The following SEZ6L variants were observed in gnomAD, a reference collection of about 807,000 sequenced individuals.
The protein encoded by SEZ6L is seizure 6-like protein.
Under a neutral mutation model 106.2 loss-of-function variants are expected in SEZ6L, and 37 were observed. The observed-to-expected ratio is 0.35, with a 90% CI of 0.27 to 0.46. SEZ6L has a LOEUF of 0.46. Ranked by LOEUF, SEZ6L falls within the 20% of genes least tolerant of loss-of-function variation. The pLI is 1.00. For missense variants in SEZ6L, 1,172 were observed against 1,332.8 expected, an observed-to-expected ratio of 0.88 and a Z score of 1.88; for synonymous variants, 541 against 570.4, an observed-to-expected ratio of 0.95 and a Z score of 0.73.
intron 1 of SEZ6L, among the ~76,000 whole-genome samples, chr22:26,243,743 AGAG>A (rs778827599): frequency 1.8e-4 from 27 of 152,214 alleles, no homozygotes; most frequent in Non-Finnish European, 2.4e-4. Flanking sequence ...AACTAAAAGA[AGAG>A]GAGGAGGACA....
At chr22:26,324,444 TAA>T (rs765076278) in intron 9 of SEZ6L, among the ~76,000 whole-genome samples, 10 of 152,168 alleles carry the variant, frequency 6.6e-5, no homozygotes, top group Non-Finnish European at 1.2e-4. Context: ...TGTTCTGTGC[TAA>T]GTTAATTCCA....
Position 26,292,107 on chromosome 22 carries a change from A to G in SEZ6L, c.95-299A>G, listed in dbSNP as rs188029634. 9.3e-4 allele frequency: 297 copies of G among 318,884 alleles called. 1 individual carries two copies. Among genetic ancestry groups the G allele is most frequent in the African/African-American group, 5.9e-3 (274 of 46,202 alleles). The allele number at this position is 318,884 out of a possible 1,614,324, so 19.8% of individuals were successfully genotyped here. A position where few individuals can be genotyped will look rare whatever the true frequency, so the allele number is the denominator to read the frequency against. ...GAGGAAGGAAGAAAGAAAAAAATGG[A>G]AGGGGAAAGGAAGGAGGGAGGGAGG... is the stretch of plus-strand genomic sequence containing the variant. On this transcript the variant is annotated intron_variant, in intron 1 of 16. Transcript: ENST00000248933.
chr22:26,170,770 C>T (rs766678919), intron 1 of SEZ6L, among the ~76,000 whole-genome samples: 3 of 152,202 alleles, frequency 2.0e-5, no homozygotes, highest in Non-Finnish European at 4.4e-5. Flanking sequence ...ACCCGGCCTT[C>T]TTGCAAGGTC....
intron 1 of SEZ6L, among the ~76,000 whole-genome samples, chr22:26,174,298 T>C (rs1938827350): frequency 6.6e-6 from 1 of 151,988 alleles, no homozygotes; most frequent in African/African-American, 2.4e-5. Flanking sequence ...ATTTCTACAG[T>C]AGGATAGGGA....
At chr22:26,379,019 C>T (rs190175123) in intron 16 of SEZ6L, among the ~76,000 whole-genome samples, 2 of 152,300 alleles carry the variant, frequency 1.3e-5, no homozygotes, top group South Asian at 2.1e-4. Flanking sequence ...CTTTATGGCT[C>T]ACAGGCTACA....
intron 1 of SEZ6L, among the ~76,000 whole-genome samples, chr22:26,254,509 T>C (rs1453281461): frequency 2.0e-5 from 3 of 151,962 alleles, no homozygotes; most frequent in African/African-American, 7.3e-5. Context: ...TCCCAGCACT[T>C]TGGGAGGCCA....
chr22:26,263,369 C>T (rs35486390), intron 1 of SEZ6L, among the ~76,000 whole-genome samples: 5,112 of 152,330 alleles, frequency 0.034, 120 homozygotes, highest in Middle Eastern at 0.054. Flanking sequence ...TATGCAAGTG[C>T]GCTTAGCACT....
intron 9 of SEZ6L, among the ~76,000 whole-genome samples, chr22:26,317,726 C>T (rs886230835): frequency 3.3e-5 from 5 of 151,974 alleles, no homozygotes; most frequent in African/African-American, 1.2e-4. Context: ...GCCCTTGCAG[C>T]GGGGGCAGGC....
At chr22:26,186,334 G>T (rs1939776782) in intron 1 of SEZ6L, among the ~76,000 whole-genome samples, 1 of 152,180 alleles carries the variant, frequency 6.6e-6, no homozygotes, top group Non-Finnish European at 1.5e-5. Flanking sequence ...GAAAAGCAAT[G>T]ATTCAGTTGT....
At chr22:26,379,536 G>A (rs528183102) in intron 16 of SEZ6L, among the ~76,000 whole-genome samples, 2 of 152,370 alleles carry the variant, frequency 1.3e-5, no homozygotes, top group Admixed American at 1.3e-4. Context: ...TAAAGCATGT[G>A]ACAGTGTCAA....
At chr22:26,201,371 A>ATACAAAAG (rs1569373257) in intron 1 of SEZ6L, among the ~76,000 whole-genome samples, 2 of 129,438 alleles carry the variant, frequency 1.5e-5, no homozygotes, top group Non-Finnish European at 3.2e-5. Flanking sequence ...AAATACAAAA[A>ATACAAAAG]TACAAAAATA....
intron 1 of SEZ6L, among the ~76,000 whole-genome samples, chr22:26,288,242 G>A (rs2080999466): frequency 6.6e-6 from 1 of 152,178 alleles, no homozygotes; most frequent in South Asian, 2.1e-4. Context: ...CAAAACAGAT[G>A]AGGAACACAT....
intron 1 of SEZ6L, among the ~76,000 whole-genome samples, chr22:26,225,273 C>G (rs902628752): frequency 6.6e-5 from 10 of 152,326 alleles, no homozygotes; most frequent in African/African-American, 2.4e-4. Flanking sequence ...GGTCAGGAAG[C>G]CAACTCAGTC....
rs994960294 is a variant in SEZ6L, at chr22:26,294,440, G to C, written c.969+15G>C. On this transcript the variant is annotated intron_variant, in intron 3 of 16. Transcript: ENST00000248933. ...TGGAGCTCCAGGTAACCCCAGGAGAGTACCTCACAGAGGCTGCCTCGTCTA... is the reference window on the plus strand; with the variant it reads ...TGGAGCTCCAGGTAACCCCAGGAGACTACCTCACAGAGGCTGCCTCGTCTA... The C allele has an allele frequency of 2.5e-6, 4 of 1,611,374 alleles. No homozygotes were observed. The African/African-American group carries it at 5.3e-5, about 22-fold the overall frequency.
At chr22:26,255,299 T>C (rs963056480) in intron 1 of SEZ6L, among the ~76,000 whole-genome samples, 1 of 152,182 alleles carries the variant, frequency 6.6e-6, no homozygotes, top group African/African-American at 2.4e-5. Flanking sequence ...TTTGCTTCCC[T>C]CGGGAGCCTG....
chr22:26,176,299 G>A (rs1203170464), intron 1 of SEZ6L, among the ~76,000 whole-genome samples: 1 of 152,204 alleles, frequency 6.6e-6, no homozygotes, highest in African/African-American at 2.4e-5. Context: ...TGAAGATGTG[G>A]GTATCACATA....
In SEZ6L at chr22:26,365,430, G is replaced by A. The variant is rs146764929; in HGVS notation, c.2658G>A (p.Leu886=). 3 of 1,607,590 alleles carry A rather than the reference G, an allele frequency of 1.9e-6. No homozygotes were observed. In the African/African-American group the frequency reaches 4.0e-5, roughly 22 times the overall value. ...PGLPENGYQI[L]YKRLYLPGES... ...TGCCTGAAAATGGATACCAAATCCTGTACAAGCGACTCTACCTGCCAGGAG... is the reference window on the plus strand; with the variant it reads ...TGCCTGAAAATGGATACCAAATCCTATACAAGCGACTCTACCTGCCAGGAG... The change falls in exon 13 of 17, where the codon CTG becomes CTA. Residue 886 remains leucine, a synonymous_variant. Transcript: ENST00000248933.
At position 26,311,981 on chromosome 22, in the gene SEZ6L, C is replaced by T; in HGVS notation, c.1876+19C>T. 1.2e-6 allele frequency: 2 copies of T among 1,605,840 alleles called. No homozygotes were observed. The highest frequency in any genetic ancestry group is 1.7e-6 in the Non-Finnish European group (2 of 1,174,416). On this transcript the variant is annotated intron_variant, in intron 8 of 16. Coordinates refer to ENST00000248933, the MANE Select transcript of SEZ6L (RefSeq NM_021115.5). Reference sequence around the variant, plus strand: ...TGCAGAGGTGAGCGGATCCACAACGCTCTTCCCACGGCACCCCAGGGATCT... The same window carrying T: ...TGCAGAGGTGAGCGGATCCACAACGTTCTTCCCACGGCACCCCAGGGATCT...
At chr22:26,319,335 C>G (rs904463069) in intron 9 of SEZ6L, among the ~76,000 whole-genome samples, 4 of 152,192 alleles carry the variant, frequency 2.6e-5, no homozygotes, top group African/African-American at 9.7e-5. Flanking sequence ...TTAACCAACA[C>G]TCAGTGATCC....
Sources: allele counts gnomAD v4.1 joint callset (sites outside exome capture counted in the v4.1 genomes callset), GRCh38; gene constraint gnomAD v4.1.1; transcripts MANE v1.5; gene names NCBI Gene and HGNC (gene_info 2026-07-23, HGNC 2026-07-21).